RAB5A: variants seen among roughly 807,000 people sequenced by gnomAD.
The protein encoded by RAB5A is RAB5A, member RAS oncogene family.
Under a neutral mutation model 25.7 loss-of-function variants are expected in RAB5A, and 8 were observed. That is an observed-to-expected ratio of 0.31 (90% CI 0.18 to 0.56). The LOEUF (loss-of-function observed/expected upper bound fraction) is 0.56, where lower values mean the gene tolerates loss of function less well. RAB5A is among the 20% of genes least tolerant of loss of function. The pLI is 0.91. For missense variants in RAB5A, 192 were observed against 259.7 expected (o/e 0.74, Z 1.79); for synonymous variants, 98 against 89.8 (o/e 1.09, Z -0.52).
chr3:19,982,414 G>C (rs1474508629), intron 5 of RAB5A, among the ~76,000 whole-genome samples: 2 of 152,180 alleles, frequency 1.3e-5, no homozygotes, highest in Non-Finnish European at 2.9e-5. Context: ...ACACATGCAG[G>C]CATCTAACTT....
intron 3 of RAB5A, 106 bp from the exon 4 acceptor site, chr3:19,975,941 T>A: frequency 7.0e-7 from 1 of 1,437,032 alleles, no homozygotes; most frequent in Non-Finnish European, 9.4e-7. Flanking sequence ...CCTAATAATT[T>A]CTTTCCCACA....
At chr3:19,969,961 G>A (rs932180445) in intron 2 of RAB5A, among the ~76,000 whole-genome samples, 10 of 151,508 alleles carry the variant, frequency 6.6e-5, no homozygotes, top group Admixed American at 5.9e-4. Flanking sequence ...ATGCCACCAT[G>A]CCCGGCTAAT....
At chr3:19,953,426 T>TG (rs1696453227) in intron 2 of RAB5A, among the ~76,000 whole-genome samples, 1 of 151,560 alleles carries the variant, frequency 6.6e-6, no homozygotes, top group Non-Finnish European at 1.5e-5. Flanking sequence ...TTTTTTTTTT[T>TG]TTGGAGACAA....
At chr3:19,979,857 G>C (rs7616726) in intron 5 of RAB5A, 77 of 152,182 alleles carry the variant, frequency 5.1e-4, no homozygotes, top group African/African-American at 1.9e-3. Flanking sequence ...TTACAGCACT[G>C]ATTCTTAACT....
chr3:19,977,212 A>G (rs1040482889), intron 4 of RAB5A, among the ~76,000 whole-genome samples: 10 of 151,912 alleles, frequency 6.6e-5, no homozygotes, highest in African/African-American at 2.4e-4. Context: ...AGCTGGGACT[A>G]CAGGCGCCCA....
chr3:19,971,316 C>G (rs1387917181), intron 2 of RAB5A, among the ~76,000 whole-genome samples: 1 of 151,746 alleles, frequency 6.6e-6, no homozygotes, highest in Non-Finnish European at 1.5e-5. Flanking sequence ...CTACACTATT[C>G]CAGTAATATT....
At chr3:19,969,041 T>TTG (rs1553639281) in intron 2 of RAB5A, among the ~76,000 whole-genome samples, 5 of 77,736 alleles carry the variant, frequency 6.4e-5, no homozygotes, top group Admixed American at 1.1e-4. Context: ...GTTTTTTTTT[T>TTG]TTGGTTTTTT....
At position 19,947,285 on chromosome 3, in the gene RAB5A, CGGAGGA is replaced by C. The variant is rs1234967340; in HGVS notation, c.-325_-320del. ...CCAGCGCCGGCGGCGGCGGCGGCGGCGGAGGAGGAGAAAGGAAAGAGGAAGGGGGAG... is the reference window on the plus strand; with the variant it reads ...CCAGCGCCGGCGGCGGCGGCGGCGGCGGAGAAAGGAAAGAGGAAGGGGGAG... On this transcript the variant is annotated 5_prime_UTR_variant, in exon 1 of 6. Coordinates refer to ENST00000273047, the MANE Select transcript of RAB5A (RefSeq NM_004162.5). The C allele has an allele frequency of 5.5e-6, 1 of 182,960 alleles. No individual in the cohort carries two copies. Among genetic ancestry groups the C allele is most frequent in the African/African-American group, 2.9e-5 (1 of 34,904 alleles). The allele number at this position is 182,960 out of a possible 1,614,324, so 11.3% of individuals were successfully genotyped here. A position where few individuals can be genotyped will look rare whatever the true frequency, so the allele number is the denominator to read the frequency against.
chr3:19,962,354 G>C (rs1213830317), intron 2 of RAB5A, among the ~76,000 whole-genome samples: 1 of 152,156 alleles, frequency 6.6e-6, no homozygotes, highest in Non-Finnish European at 1.5e-5. Context: ...CAGATCACGA[G>C]GACAGGAGTT....
chr3:19,958,675 C>G (rs1008612074), intron 2 of RAB5A, among the ~76,000 whole-genome samples: 2 of 152,190 alleles, frequency 1.3e-5, no homozygotes, highest in Non-Finnish European at 2.9e-5. Context: ...AAAACACTGT[C>G]TCTACTAAAA....
At chr3:19,978,432 C>G (rs1032688060) in intron 5 of RAB5A, 29 bp downstream of exon 5, 3 of 1,471,116 alleles carry the variant, frequency 2.0e-6, no homozygotes, top group African/African-American at 1.4e-5. Context: ...TTTAAATGAT[C>G]AATATAAGCA....
chr3:19,957,555 C>G (rs942214057), intron 2 of RAB5A, among the ~76,000 whole-genome samples: 1 of 151,050 alleles, frequency 6.6e-6, no homozygotes, highest in Admixed American at 6.6e-5. Context: ...TCCAGCTACT[C>G]GGGAGGCTGA....
chr3:19,972,557 T>G (rs1403204709), intron 2 of RAB5A, among the ~76,000 whole-genome samples: 1 of 152,230 alleles, frequency 6.6e-6, no homozygotes, highest in Non-Finnish European at 1.5e-5. Context: ...CAGCATGATT[T>G]CCCTTGGTTT....
chr3:19,979,288 T>G (rs528036206), intron 5 of RAB5A, among the ~76,000 whole-genome samples: 80 of 135,216 alleles, frequency 5.9e-4, no homozygotes, highest in African/African-American at 2.1e-3. Flanking sequence ...GGTACTTTCT[T>G]TTTTTTTTTT....
intron 2 of RAB5A, among the ~76,000 whole-genome samples, chr3:19,974,899 T>C (rs1696800890): frequency 6.6e-6 from 1 of 152,164 alleles, no homozygotes; most frequent in Admixed American, 6.5e-5. Flanking sequence ...TTTAAGACTA[T>C]CAGTGCATTT....
chr3:19,972,612 A>C (rs894912444), intron 2 of RAB5A, among the ~76,000 whole-genome samples: 1 of 152,160 alleles, frequency 6.6e-6, no homozygotes, highest in African/African-American at 2.4e-5. Flanking sequence ...CATAAGGAAG[A>C]ATCTCGTGTG....
At chr3:19,957,813 C>T (rs537004026) in intron 2 of RAB5A, among the ~76,000 whole-genome samples, 2 of 151,566 alleles carry the variant, frequency 1.3e-5, no homozygotes, top group East Asian at 3.9e-4. Flanking sequence ...GTACATGTAT[C>T]AAAACATCAT....
intron 1 of RAB5A, among the ~76,000 whole-genome samples, chr3:19,949,344 AG>A (rs1218838437): frequency 6.6e-6 from 1 of 152,148 alleles, no homozygotes; most frequent in Non-Finnish European, 1.5e-5. Context: ...CATTATGAAG[AG>A]CGTATTATAA....
Position 19,983,750 on chromosome 3 carries a change from A to T in RAB5A, c.575A>T (p.Asn192Ile). 1.2e-6 allele frequency: 2 copies of T among 1,612,622 alleles called. No homozygotes were observed. Among genetic ancestry groups the T allele is most frequent in the Non-Finnish European group, 1.7e-6 (2 of 1,179,096 alleles). The change falls in exon 6 of 6, where the codon AAT becomes ATT. Residue 192 changes from asparagine (N) to isoleucine (I), a missense_variant. Asn to Ile is a moderately radical substitution (Grantham distance 149). Coordinates refer to ENST00000273047, the MANE Select transcript of RAB5A (RefSeq NM_004162.5). ...AATGAACCACAAAATCCAGGAGCAA[A>T]TTCTGCCAGAGGAAGAGGAGTAGAC... ...PKNEPQNPGA[N>I]SARGRGVDLT...
Sources: allele counts gnomAD v4.1 joint callset (sites outside exome capture counted in the v4.1 genomes callset), GRCh38; gene constraint gnomAD v4.1.1; transcripts MANE v1.5; gene names NCBI Gene and HGNC (gene_info 2026-07-23, HGNC 2026-07-21).